Variants in B3GALT1 observed in about 807,000 individuals in gnomAD.
B3GALT1 encodes the protein beta-1,3-galactosyltransferase 1.
B3GALT1 carries 10 observed loss-of-function variants against 23.2 expected under a neutral mutation model. The observed-to-expected ratio is 0.43, with a 90% CI of 0.27 to 0.73. B3GALT1 has a LOEUF of 0.73. Ranked by LOEUF, B3GALT1 falls within the 30% of genes least tolerant of loss-of-function variation. The pLI is 0.21. For missense variants in B3GALT1, 299 were observed against 405.4 expected, an observed-to-expected ratio of 0.74 and a Z score of 2.25; for synonymous variants, 156 against 141.5, an observed-to-expected ratio of 1.10 and a Z score of -0.73.
intron 2 of B3GALT1, among the ~76,000 whole-genome samples, chr2:167,583,637 T>G (rs950012709): frequency 3.9e-5 from 6 of 152,278 alleles, no homozygotes; most frequent in Admixed American, 2.0e-4. Context: ...GTCTTAAAAC[T>G]TGATGTCAGC....
At chr2:167,554,933 A>G (rs990906814) in intron 2 of B3GALT1, among the ~76,000 whole-genome samples, 1 of 152,232 alleles carries the variant, frequency 6.6e-6, no homozygotes. Context: ...AATTAATCAT[A>G]TACATGATAT....
intron 1 of B3GALT1, among the ~76,000 whole-genome samples, chr2:167,448,312 ATTCTTGCAGGAGTAAGGTGGTATTACAT>A (rs1357328026): frequency 6.6e-6 from 1 of 151,978 alleles, no homozygotes; most frequent in Admixed American, 6.6e-5. Flanking sequence ...GATTATGGTC[ATTCTTGCAGGAGTAAGGTGGTATTACAT>A]TGTGGTTTTG....
chr2:167,865,088 A>G, intron 4 of B3GALT1, among the ~76,000 whole-genome samples: 1 of 152,108 alleles, frequency 6.6e-6, no homozygotes, highest in East Asian at 1.9e-4. Context: ...CTTCCCCCAG[A>G]AAATCACGCG....
chr2:167,524,684 C>T (rs1683191219), intron 2 of B3GALT1, among the ~76,000 whole-genome samples: 1 of 152,144 alleles, frequency 6.6e-6, no homozygotes, highest in African/African-American at 2.4e-5. Flanking sequence ...ATCTATGCTC[C>T]TCGATCTGCC....
At chr2:167,634,793 T>C (rs1685518951) in intron 2 of B3GALT1, among the ~76,000 whole-genome samples, 1 of 152,114 alleles carries the variant, frequency 6.6e-6, no homozygotes, top group Non-Finnish European at 1.5e-5. Flanking sequence ...GCTGGTACCA[T>C]TCCTTCTGAA....
At chr2:167,574,012 A>T (rs1366266233) in intron 2 of B3GALT1, among the ~76,000 whole-genome samples, 1 of 151,740 alleles carries the variant, frequency 6.6e-6, no homozygotes, top group African/African-American at 2.4e-5. Flanking sequence ...CTAATTAAGA[A>T]GATTAAAATT....
chr2:167,594,679 G>A (rs1206906494), intron 2 of B3GALT1, among the ~76,000 whole-genome samples: 1 of 152,138 alleles, frequency 6.6e-6, no homozygotes, highest in African/African-American at 2.4e-5. Context: ...TTGGGAGGAC[G>A]AGGCGGGCAG....
intron 3 of B3GALT1, among the ~76,000 whole-genome samples, chr2:167,758,144 C>A (rs752288347): frequency 6.6e-6 from 1 of 152,060 alleles, no homozygotes; most frequent in Non-Finnish European, 1.5e-5. Context: ...CCTCTCCTTT[C>A]CCTCCTTTCT....
chr2:167,319,036 C>T (rs1373792834), intron 1 of B3GALT1, among the ~76,000 whole-genome samples: 1 of 152,150 alleles, frequency 6.6e-6, no homozygotes, highest in Non-Finnish European at 1.5e-5. Context: ...AGTGGAGCCT[C>T]AGCCAGGTCA....
intron 1 of B3GALT1, among the ~76,000 whole-genome samples, chr2:167,328,487 C>T (rs1696928597): frequency 6.6e-6 from 1 of 152,042 alleles, no homozygotes; most frequent in Non-Finnish European, 1.5e-5. Flanking sequence ...CTAGGTTGTC[C>T]AGTTCATTCA....
intron 1 of B3GALT1, among the ~76,000 whole-genome samples, chr2:167,451,733 A>AGT (rs1279194856): frequency 6.6e-6 from 1 of 152,158 alleles, no homozygotes; most frequent in African/African-American, 2.4e-5. Context: ...AGGATCAGGC[A>AGT]GTGGGCAGTG....
intron 4 of B3GALT1, among the ~76,000 whole-genome samples, chr2:167,830,373 C>CT (rs1431590639): frequency 9.4e-5 from 13 of 138,882 alleles, no homozygotes; most frequent in Non-Finnish European, 1.8e-4. Context: ...TTCGTTCATA[C>CT]TTAAAAAAAA....
intron 1 of B3GALT1, among the ~76,000 whole-genome samples, chr2:167,334,146 C>T (rs1697019046): frequency 6.6e-6 from 1 of 152,054 alleles, no homozygotes; most frequent in South Asian, 2.1e-4. Context: ...CAGTTCAACA[C>T]ATAATTTAGT....
At chr2:167,580,034 A>G (rs1211011421) in intron 2 of B3GALT1, among the ~76,000 whole-genome samples, 1 of 152,166 alleles carries the variant, frequency 6.6e-6, no homozygotes, top group Non-Finnish European at 1.5e-5. Flanking sequence ...TCATTCTTGC[A>G]TCATCTTCAC....
At chr2:167,558,443 C>T (rs1363481739) in intron 2 of B3GALT1, 1 of 152,520 alleles carries the variant, frequency 6.6e-6, no homozygotes, top group Non-Finnish European at 1.5e-5. Flanking sequence ...TAGGGAGTGC[C>T]AGAGAGTGGG....
At chr2:167,466,186 A>AT (rs1367862438) in intron 1 of B3GALT1, among the ~76,000 whole-genome samples, 1 of 152,196 alleles carries the variant, frequency 6.6e-6, no homozygotes, top group Non-Finnish European at 1.5e-5. Flanking sequence ...CCTGGGAGCC[A>AT]TTTTTGTTTT....
chr2:167,295,426 A>G (rs957033523), intron 1 of B3GALT1, among the ~76,000 whole-genome samples: 1 of 152,234 alleles, frequency 6.6e-6, no homozygotes, highest in African/African-American at 2.4e-5. Flanking sequence ...AAAACAGGCT[A>G]AGCAGTTTAT....
intron 3 of B3GALT1, among the ~76,000 whole-genome samples, chr2:167,668,912 C>T (rs773538748): frequency 2.4e-4 from 36 of 152,186 alleles, no homozygotes; most frequent in Non-Finnish European, 4.7e-4. Flanking sequence ...CCGTCTTCTG[C>T]GTCGCTCACG....
chr2:167,830,396 G>A (rs1216720243), intron 4 of B3GALT1, among the ~76,000 whole-genome samples: 1 of 151,562 alleles, frequency 6.6e-6, no homozygotes, highest in Admixed American at 6.6e-5. Context: ...AAAAAGTTTG[G>A]TTAGACAATC....
Sources: gnomAD v4.1 joint callset for allele counts (sites outside exome capture counted in the v4.1 genomes callset) on GRCh38, gnomAD v4.1.1 for gene constraint, MANE v1.5 for transcripts, NCBI Gene and HGNC (gene_info 2026-07-23, HGNC 2026-07-21) for gene names.